ANKS1B: variants seen among roughly 807,000 people sequenced by gnomAD.
ANKS1B encodes the protein ankyrin repeat and sterile alpha motif domain-containing protein 1B.
In ANKS1B, 36 loss-of-function variants were observed where a neutral mutation model predicts 148.3. The ratio of observed to expected loss-of-function variants is 0.24; its 90% CI spans 0.19 to 0.32. The LOEUF (loss-of-function observed/expected upper bound fraction) is 0.32. Ranked by LOEUF, ANKS1B falls within the 10% of genes least tolerant of loss-of-function variation. The pLI is 1.00. For synonymous variants in ANKS1B, 542 were observed against 560.8 expected (o/e 0.97, Z 0.47); for missense variants, 1,157 against 1,542.6 (o/e 0.75, Z 4.19).
At chr12:99,728,756 G>A (rs559013361) in intron 8 of ANKS1B, among the ~76,000 whole-genome samples, 82 of 152,226 alleles carry the variant, frequency 5.4e-4, no homozygotes, top group South Asian at 1.0e-3. Flanking sequence ...AAGAAAATGC[G>A]GTAAATATAC....
At chr12:98,887,809 G>A (rs2099743515) in intron 17 of ANKS1B, among the ~76,000 whole-genome samples, 1 of 152,062 alleles carries the variant, frequency 6.6e-6, no homozygotes, top group South Asian at 2.1e-4. Context: ...GACAGGATTT[G>A]GCCGTGTTGG....
chr12:99,851,990 G>C (rs2087947190), intron 1 of ANKS1B, among the ~76,000 whole-genome samples: 1 of 152,134 alleles, frequency 6.6e-6, no homozygotes, highest in Admixed American at 6.5e-5. Context: ...CATGCCTGTG[G>C]TTGACTAGCA....
At chr12:99,476,832 C>A (rs557887985) in intron 10 of ANKS1B, among the ~76,000 whole-genome samples, 5 of 152,236 alleles carry the variant, frequency 3.3e-5, no homozygotes, top group African/African-American at 1.2e-4. Flanking sequence ...GTCTCGAAGG[C>A]TGCAATTAAC....
chr12:99,026,532 C>T (rs2099948882), intron 17 of ANKS1B, among the ~76,000 whole-genome samples: 1 of 152,086 alleles, frequency 6.6e-6, no homozygotes. Flanking sequence ...CAGATCTGGG[C>T]TTTACTGCTG....
At chr12:98,972,571 A>T (rs762064504) in intron 17 of ANKS1B, among the ~76,000 whole-genome samples, 3 of 152,202 alleles carry the variant, frequency 2.0e-5, no homozygotes, top group Non-Finnish European at 4.4e-5. Context: ...TGAAGCTGAG[A>T]CACAAATCAG....
chr12:99,006,091 T>C (rs2099935996), intron 17 of ANKS1B, among the ~76,000 whole-genome samples: 1 of 152,246 alleles, frequency 6.6e-6, no homozygotes, highest in South Asian at 2.1e-4. Flanking sequence ...GGTCAGATTC[T>C]ATACCTTGGG....
rs1028984071 is a variant in ANKS1B, at chr12:99,495,570, A to G, written c.1438+8906T>C. On this transcript the variant is annotated intron_variant, in intron 10 of 26. Coordinates refer to ENST00000683438, the MANE Select transcript of ANKS1B (RefSeq NM_001352186.2). ...GCACTGGTTTACAAATTTATCATGT[A>G]GATATCTGCTTTAATAAATGGCTAA... Among the ~76,000 whole-genome samples the G allele has an allele frequency of 5.3e-5, 8 of 152,160 alleles. No homozygotes were observed. The East Asian group carries it at 1.5e-3, about 29-fold the overall frequency.
intron 15 of ANKS1B, among the ~76,000 whole-genome samples, chr12:99,138,790 C>G (rs1050195383): frequency 2.0e-5 from 3 of 152,110 alleles, no homozygotes; most frequent in Non-Finnish European, 2.9e-5. Context: ...ATGTCCTTCA[C>G]CCCGTTCTTT....
chr12:99,225,059 G>T (rs1343943187), intron 14 of ANKS1B, among the ~76,000 whole-genome samples: 3 of 152,118 alleles, frequency 2.0e-5, no homozygotes, highest in Admixed American at 6.5e-5. Flanking sequence ...CATGGAAAAA[G>T]CTAGAAATCC....
chr12:98,848,802 G>C (rs891916367), intron 17 of ANKS1B, among the ~76,000 whole-genome samples: 8 of 141,806 alleles, frequency 5.6e-5, no homozygotes, highest in Non-Finnish European at 1.1e-4. Context: ...GCAATGGCGT[G>C]ATCTTGGCTC....
intron 8 of ANKS1B, among the ~76,000 whole-genome samples, chr12:99,744,150 T>C (rs558881595): frequency 1.6e-4 from 25 of 152,216 alleles, no homozygotes; most frequent in African/African-American, 6.0e-4. Context: ...AACATACAGA[T>C]TAAATGAGAT....
intron 9 of ANKS1B, among the ~76,000 whole-genome samples, chr12:99,598,764 A>T (rs2097777339): frequency 6.6e-6 from 1 of 152,120 alleles, no homozygotes; most frequent in Non-Finnish European, 1.5e-5. Flanking sequence ...AAAAAGAAGC[A>T]TACACGGAAA....
At chr12:99,515,649 C>T (rs576106968) in intron 9 of ANKS1B, among the ~76,000 whole-genome samples, 1 of 152,028 alleles carries the variant, frequency 6.6e-6, no homozygotes, top group African/African-American at 2.4e-5. Context: ...GTAGAGCCAT[C>T]TCTTCCATAT....
chr12:99,218,415 G>A (rs913579144), intron 14 of ANKS1B, among the ~76,000 whole-genome samples: 7 of 152,126 alleles, frequency 4.6e-5, no homozygotes, highest in Non-Finnish European at 1.0e-4. Context: ...CTAAGTGGCT[G>A]CCACAGTAGT....
chr12:99,640,941 A>T (rs1567541603), intron 9 of ANKS1B, among the ~76,000 whole-genome samples: 1 of 152,208 alleles, frequency 6.6e-6, no homozygotes, highest in African/African-American at 2.4e-5. Flanking sequence ...TCTGCTTGTC[A>T]TAAATAATTC....
intron 1 of ANKS1B, among the ~76,000 whole-genome samples, chr12:99,863,531 C>T (rs1368579956): frequency 6.6e-5 from 10 of 151,414 alleles, no homozygotes; most frequent in African/African-American, 7.3e-5. Flanking sequence ...CTGGCTAACA[C>T]GGTGAAATCC....
intron 20 of ANKS1B, among the ~76,000 whole-genome samples, chr12:98,803,297 A>G (rs2099021312): frequency 6.6e-6 from 1 of 152,178 alleles, no homozygotes; most frequent in African/African-American, 2.4e-5. Context: ...TTCTGGAAAC[A>G]TGCAGCTATG....
chr12:99,978,819 A>G (rs2095658160), intron 1 of ANKS1B, among the ~76,000 whole-genome samples: 1 of 152,128 alleles, frequency 6.6e-6, no homozygotes, highest in Non-Finnish European at 1.5e-5. Context: ...TTATTGATCT[A>G]CTTTTTCACA....
In ANKS1B at chr12:99,396,815, T is replaced by G. The variant is rs183683138; in HGVS notation, c.1756+2816A>C. Among the ~76,000 whole-genome samples the G allele has an allele frequency of 5.3e-5, 8 of 152,220 alleles. 1 individual carries two copies. The South Asian group carries it at 8.3e-4, about 16-fold the overall frequency. ...ACAGAAAAATTTGTTGAAAACCGAT[T>G]CTTACCTGTTGAAAAATATTCAGAA... On this transcript the variant is annotated intron_variant, in intron 12 of 26. Coordinates refer to ENST00000683438, the MANE Select transcript of ANKS1B (RefSeq NM_001352186.2).
Sources: allele counts gnomAD v4.1 joint callset (sites outside exome capture counted in the v4.1 genomes callset), GRCh38; gene constraint gnomAD v4.1.1; transcripts MANE v1.5; gene names NCBI Gene and HGNC (gene_info 2026-07-23, HGNC 2026-07-21).